The following CLIP1 variants were observed in gnomAD, a reference collection of about 807,000 sequenced individuals.
CLIP1 encodes the protein CAP-Gly domain containing linker protein 1, also known as CAP-Gly domain-containing linker protein 1.
Under a neutral mutation model 161.6 loss-of-function variants are expected in CLIP1, and 66 were observed. The ratio of observed to expected loss-of-function variants is 0.41; its 90% CI spans 0.33 to 0.50. The LOEUF (loss-of-function observed/expected upper bound fraction) is 0.50. CLIP1 is among the 20% of genes least tolerant of loss of function. The probability of loss-of-function intolerance (pLI) is 0.27; values close to 1 mark genes in which losing one functional copy is unlikely to be tolerated. For missense variants in CLIP1, 1,376 were observed against 1,702.0 expected, an observed-to-expected ratio of 0.81 and a Z score of 3.37; for synonymous variants, 598 against 626.2, an observed-to-expected ratio of 0.96 and a Z score of 0.67.
intron 9 of CLIP1, among the ~76,000 whole-genome samples, chr12:122,349,938 CTTG>C (rs1456788926): frequency 1.4e-5 from 2 of 146,092 alleles, no homozygotes; most frequent in Non-Finnish European, 3.0e-5. Context: ...GAGTTTTGTT[CTTG>C]TTGTCCAGGC....
chr12:122,314,769 C>T (rs982237862), intron 19 of CLIP1, among the ~76,000 whole-genome samples: 1 of 152,198 alleles, frequency 6.6e-6, no homozygotes, highest in African/African-American at 2.4e-5. Flanking sequence ...GAAAAGAAAT[C>T]CTAATCTGTA....
At chr12:122,364,223 G>A in intron 3 of CLIP1, 116 bp from the exon 4 acceptor site, 1 of 1,253,390 alleles carries the variant, frequency 8.0e-7, no homozygotes, top group Non-Finnish European at 1.1e-6. Context: ...CAACTTCTTT[G>A]CTTTAGCTTC....
At chr12:122,292,465 T>C (rs1474434818) in intron 20 of CLIP1, among the ~76,000 whole-genome samples, 1 of 152,232 alleles carries the variant, frequency 6.6e-6, no homozygotes, top group African/African-American at 2.4e-5. Context: ...ATCTCTATTA[T>C]TCTTTGAGCG....
intron 10 of CLIP1, among the ~76,000 whole-genome samples, chr12:122,346,819 TC>T (rs533867996): frequency 4.7e-4 from 71 of 152,070 alleles, no homozygotes; most frequent in African/African-American, 1.6e-3. Flanking sequence ...GAGGTTTCAA[TC>T]CCCCGAGCGA....
intron 5 of CLIP1, among the ~76,000 whole-genome samples, chr12:122,359,390 A>C (rs1289125230): frequency 2.0e-5 from 3 of 152,208 alleles, no homozygotes; most frequent in Non-Finnish European, 2.9e-5. Context: ...AGAAATGGAC[A>C]CAATTAAAAG....
At chr12:122,288,334 A>G (rs145895944) in intron 21 of CLIP1, among the ~76,000 whole-genome samples, 155 bp downstream of exon 21, 1 of 152,174 alleles carries the variant, frequency 6.6e-6, no homozygotes, top group Non-Finnish European at 1.5e-5. Context: ...CTGCAAATGG[A>G]TTTTCATATT....
chr12:122,383,886 A>G (rs949400902), intron 1 of CLIP1, among the ~76,000 whole-genome samples: 7 of 152,130 alleles, frequency 4.6e-5, no homozygotes, highest in African/African-American at 1.7e-4. Flanking sequence ...AGCTGAGCAT[A>G]TTTGAATTTT....
At chr12:122,361,318 A>T (rs1593163131) in intron 4 of CLIP1, 137 bp from the exon 5 acceptor site, 2 of 677,870 alleles carry the variant, frequency 3.0e-6, no homozygotes, top group African/African-American at 3.6e-5. Context: ...GTTACACACC[A>T]GCACGTAGCA....
intron 7 of CLIP1, 120 bp from the exon 8 acceptor site, chr12:122,352,906 C>A: frequency 1.2e-6 from 1 of 802,198 alleles, no homozygotes; most frequent in South Asian, 1.5e-5. Flanking sequence ...ATAATCCCAG[C>A]AATTTGGGAG....
chr12:122,352,719 G>T lies in CLIP1; in HGVS notation c.1368+7C>A. 2 of 1,611,832 alleles carry T rather than the reference G, an allele frequency of 1.2e-6. No homozygotes were observed. Among genetic ancestry groups the T allele is most frequent in the Non-Finnish European group, 8.5e-7 (1 of 1,178,220 alleles). On this transcript the variant is annotated splice_region_variant and intron_variant, in intron 8 of 25. Transcript: ENST00000620786. ...TAAAAGCTGTAAGAGAGCTGGAGGG[G>T]TTTTACCTCAAGATCACCTTTGGTA...
At position 122,278,146 on chromosome 12, in the gene CLIP1, A is replaced by G; in HGVS notation, c.3966+8T>C. 1.2e-6 allele frequency: 2 copies of G among 1,608,770 alleles called. No homozygotes were observed. The highest frequency in any genetic ancestry group is 1.7e-6 in the Non-Finnish European group (2 of 1,178,562). On this transcript the variant is annotated splice_region_variant and intron_variant, in intron 24 of 25. Coordinates refer to ENST00000620786, the MANE Select transcript of CLIP1 (RefSeq NM_001247997.2). ...CAAGAAAGTAAAGCAATAAGGCAGG[A>G]ACATTACCTGACTCTCCTGGGCTCT...
In CLIP1 at chr12:122,319,290, G is replaced by T. The variant is rs764904613; in HGVS notation, c.3308C>A (p.Thr1103Asn). ...QIMEQMTKEKTETLASLEDTK... is the reference protein window; with the variant it reads ...QIMEQMTKEKNETLASLEDTK... The stretch of plus-strand genomic sequence containing the variant: ...GTCCTCCAAGGAGGCCAGAGTCTCA[G>T]TCTTCTCTTTGGTCATCTGTTCCAT... The change falls in exon 18 of 26, where the codon ACT becomes AAT. Residue 1103 changes from threonine to asparagine, a missense_variant. Thr to Asn is a moderately conservative substitution (Grantham distance 65, BLOSUM62 0). Transcript: ENST00000620786. 6.2e-7 allele frequency: 1 copy of T among 1,614,174 alleles called. No individual in the cohort carries two copies. The highest frequency in any genetic ancestry group is 8.5e-7 in the Non-Finnish European group (1 of 1,179,976).
At chr12:122,300,489 A>AT in intron 20 of CLIP1, among the ~76,000 whole-genome samples, 1 of 152,250 alleles carries the variant, frequency 6.6e-6, no homozygotes, top group Non-Finnish European at 1.5e-5. Context: ...CAATAGTTTC[A>AT]TACATTTGTT....
At chr12:122,401,672 T>C (rs1532579) in intron 1 of CLIP1, among the ~76,000 whole-genome samples, 93,231 of 151,608 alleles carry the variant, frequency 0.61, 29,022 homozygotes, top group Non-Finnish European at 0.64. Flanking sequence ...GGGCAAACTG[T>C]TCAATTACTA....
chr12:122,414,944 G>T lies in CLIP1; in HGVS notation c.-107+7577C>A, dbSNP rs550942684. Among the ~76,000 whole-genome samples the T allele has an allele frequency of 4.7e-4, 71 of 152,164 alleles. No homozygotes were observed. The Middle Eastern group carries it at 0.01, about 22-fold the overall frequency. ...ATGGTGGCGCATGCCTATAATCCCA[G>T]CTACTCAGGAGGCTGAGGCATGAGA... On this transcript the variant is annotated intron_variant, in intron 1 of 25. Coordinates refer to ENST00000620786, the MANE Select transcript of CLIP1 (RefSeq NM_001247997.2).
At chr12:122,293,296 A>C (rs1012494324) in intron 20 of CLIP1, among the ~76,000 whole-genome samples, 3 of 152,110 alleles carry the variant, frequency 2.0e-5, no homozygotes, top group Non-Finnish European at 4.4e-5. Flanking sequence ...TCCACATGCC[A>C]CCTGGGCACC....
chr12:122,315,433 C>T (rs777603776), intron 19 of CLIP1, among the ~76,000 whole-genome samples: 3 of 152,064 alleles, frequency 2.0e-5, no homozygotes, highest in South Asian at 2.1e-4. Context: ...AAATCTACAC[C>T]GTAACTATCC....
chr12:122,274,541 GTT>G (rs140034285), intron 24 of CLIP1: 18 of 144,792 alleles, frequency 1.2e-4, no homozygotes, highest in South Asian at 8.3e-4. Flanking sequence ...GTTTTGTTTT[GTT>G]TTTTTTTTTT....
chr12:122,347,535 C>T (rs1952808029), intron 9 of CLIP1, 56 bp from the exon 10 acceptor site: 2 of 1,347,732 alleles, frequency 1.5e-6, no homozygotes, highest in Non-Finnish European at 2.1e-6. Context: ...GACATGCCAG[C>T]ACGAGAGGAG....
Sources: allele counts gnomAD v4.1 joint callset (sites outside exome capture counted in the v4.1 genomes callset), GRCh38; gene constraint gnomAD v4.1.1; transcripts MANE v1.5; gene names NCBI Gene and HGNC (gene_info 2026-07-23, HGNC 2026-07-21).